The following RBFOX1 variants were observed in gnomAD, a reference collection of about 807,000 sequenced individuals.
RBFOX1 encodes RNA binding fox-1 homolog 1, also known as RNA binding protein fox-1 homolog 1.
In RBFOX1, 8 loss-of-function variants were observed where a neutral mutation model predicts 57.7. The ratio of observed to expected loss-of-function variants is 0.14; its 90% CI spans 0.08 to 0.25. RBFOX1 has a LOEUF of 0.25. RBFOX1 is among the 10% of genes least tolerant of loss of function. RBFOX1 has a pLI of 1.00. For missense variants in RBFOX1, 611 were observed against 548.5 expected, an observed-to-expected ratio of 1.11 and a Z score of -1.14; for synonymous variants, 326 against 222.4, an observed-to-expected ratio of 1.47 and a Z score of -4.15.
At chr16:6,109,618 C>T (rs1449969301) in intron 1 of RBFOX1, among the ~76,000 whole-genome samples, 1 of 152,022 alleles carries the variant, frequency 6.6e-6, no homozygotes, top group East Asian at 1.9e-4. Context: ...TCACGATTGC[C>T]TGGGTAAGTT....
intron 3 of RBFOX1, among the ~76,000 whole-genome samples, chr16:7,024,568 G>C (rs1413195421): frequency 6.6e-6 from 1 of 152,006 alleles, no homozygotes; most frequent in African/African-American, 2.4e-5. Context: ...GTAAACACTG[G>C]GGCAGGTAAG....
intron 5 of RBFOX1, among the ~76,000 whole-genome samples, chr16:7,532,185 C>G (rs909362724): frequency 6.8e-6 from 1 of 146,106 alleles, no homozygotes; most frequent in African/African-American, 2.6e-5. Flanking sequence ...ATTCCAATGA[C>G]AGGAGGTGGG....
At chr16:7,157,810 G>C (rs2077457393) in intron 4 of RBFOX1, among the ~76,000 whole-genome samples, 2 of 152,242 alleles carry the variant, frequency 1.3e-5, no homozygotes, top group South Asian at 4.2e-4. Context: ...TTTCCCTTTG[G>C]TTTTAAAGAA....
At chr16:6,499,769 T>C (rs1452309937) in intron 2 of RBFOX1, among the ~76,000 whole-genome samples, 1 of 152,098 alleles carries the variant, frequency 6.6e-6, no homozygotes, top group African/African-American at 2.4e-5. Flanking sequence ...AATCAGAAAG[T>C]CTCCATTTAT....
intron 12 of RBFOX1, among the ~76,000 whole-genome samples, chr16:7,654,252 T>G (rs887946401): frequency 2.0e-5 from 3 of 152,236 alleles, no homozygotes; most frequent in African/African-American, 7.2e-5. Context: ...AAGATGTATT[T>G]CTGATGATTG....
At chr16:5,959,696 C>G (rs968247044) in intron 4 of RBFOX1, among the ~76,000 whole-genome samples, 6 of 152,190 alleles carry the variant, frequency 3.9e-5, no homozygotes, top group Non-Finnish European at 7.4e-5. Context: ...TGTGCAGATC[C>G]TAAAGAAATT....
At chr16:7,145,287 C>G (rs150643512) in intron 4 of RBFOX1, among the ~76,000 whole-genome samples, 3 of 152,280 alleles carry the variant, frequency 2.0e-5, no homozygotes, top group African/African-American at 7.2e-5. Flanking sequence ...TCACTGCAGC[C>G]TCAACTTCCC....
intron 12 of RBFOX1, among the ~76,000 whole-genome samples, chr16:7,654,558 C>G (rs577035380): frequency 6.6e-6 from 1 of 152,086 alleles, no homozygotes; most frequent in Non-Finnish European, 1.5e-5. Flanking sequence ...AGTTTGTTTC[C>G]CATTGCCAAT....
chr16:5,330,893 G>T (rs1218176996), intron 1 of RBFOX1, among the ~76,000 whole-genome samples: 1 of 151,988 alleles, frequency 6.6e-6, no homozygotes, highest in Non-Finnish European at 1.5e-5. Context: ...GTCCAATTCA[G>T]GTTTTTTTGT....
At chr16:5,976,161 T>C (rs2060058559) in intron 4 of RBFOX1, among the ~76,000 whole-genome samples, 1 of 151,926 alleles carries the variant, frequency 6.6e-6, no homozygotes. Flanking sequence ...AATTAATAAA[T>C]AAATAATAAA....
chr16:7,217,867 C>G (rs548074469), intron 4 of RBFOX1, among the ~76,000 whole-genome samples: 2 of 151,810 alleles, frequency 1.3e-5, no homozygotes, highest in Non-Finnish European at 2.9e-5. Context: ...CATGTGTGTA[C>G]ACGCGTGTGT....
At chr16:7,078,230 C>T (rs900393160) in intron 4 of RBFOX1, among the ~76,000 whole-genome samples, 5 of 152,304 alleles carry the variant, frequency 3.3e-5, no homozygotes, top group Admixed American at 1.3e-4. Context: ...CTGATGTCCA[C>T]TATACAGAGT....
chr16:6,345,281 G>T (rs527500767), intron 2 of RBFOX1, among the ~76,000 whole-genome samples: 17 of 152,162 alleles, frequency 1.1e-4, no homozygotes, highest in Non-Finnish European at 2.5e-4. Flanking sequence ...AAGCAACTGC[G>T]TACTGCTCCT....
At chr16:6,213,693 C>T (rs1310297152) in intron 1 of RBFOX1, among the ~76,000 whole-genome samples, 1 of 152,178 alleles carries the variant, frequency 6.6e-6, no homozygotes, top group Non-Finnish European at 1.5e-5. Context: ...TGGTTTAAAT[C>T]ATTCTGTGCT....
intron 3 of RBFOX1, among the ~76,000 whole-genome samples, chr16:6,727,072 G>GAC (rs1568370962): frequency 6.8e-6 from 1 of 148,092 alleles, no homozygotes; most frequent in East Asian, 2.0e-4. Flanking sequence ...CACAGACACA[G>GAC]AGAGAGACAC....
chr16:5,617,836 A>T (rs2048083111), intron 3 of RBFOX1, among the ~76,000 whole-genome samples: 1 of 152,116 alleles, frequency 6.6e-6, no homozygotes, highest in South Asian at 2.1e-4. Flanking sequence ...AGATGATGAG[A>T]GTGTCTCTCC....
chr16:6,223,308 G>T (rs1035683632), intron 1 of RBFOX1, among the ~76,000 whole-genome samples: 2 of 150,686 alleles, frequency 1.3e-5, no homozygotes, highest in African/African-American at 4.9e-5. Context: ...CTAGTTTACA[G>T]TCCCAACAAC....
chr16:6,555,760 A>G (rs1198325103), intron 2 of RBFOX1, among the ~76,000 whole-genome samples: 3 of 152,218 alleles, frequency 2.0e-5, no homozygotes, highest in African/African-American at 7.2e-5. Flanking sequence ...TTGTGTGTTT[A>G]TCTCTGTTTA....
intron 3 of RBFOX1, among the ~76,000 whole-genome samples, chr16:6,740,675 A>G (rs892100478): frequency 1.3e-5 from 2 of 152,226 alleles, no homozygotes; most frequent in Admixed American, 6.5e-5. Flanking sequence ...TGCATCTAAC[A>G]GGACTTGTAT....
Sources: allele counts gnomAD v4.1 joint callset (sites outside exome capture counted in the v4.1 genomes callset), GRCh38; gene constraint gnomAD v4.1.1; transcripts MANE v1.5; gene names NCBI Gene and HGNC (gene_info 2026-07-23, HGNC 2026-07-21).